Variants in NLGN1 observed in about 807,000 individuals in gnomAD.
NLGN1 encodes neuroligin-1.
In NLGN1, 12 loss-of-function variants were observed where a neutral mutation model predicts 65.5. That is an observed-to-expected ratio of 0.18 (90% CI 0.12 to 0.30). The LOEUF (loss-of-function observed/expected upper bound fraction) is 0.30, where lower values mean the gene tolerates loss of function less well. NLGN1 is among the 10% of genes least tolerant of loss of function. NLGN1 has a pLI of 1.00. For missense variants in NLGN1, 750 were observed against 1,007.1 expected, an observed-to-expected ratio of 0.74 and a Z score of 3.46; for synonymous variants, 350 against 359.5, an observed-to-expected ratio of 0.97 and a Z score of 0.30.
chr3:173,417,983 A>C (rs1714133397), intron 1 of NLGN1, among the ~76,000 whole-genome samples: 1 of 151,712 alleles, frequency 6.6e-6, no homozygotes, highest in Non-Finnish European at 1.5e-5. Flanking sequence ...AGGAAGAAAA[A>C]AACAGAATTC....
At chr3:174,118,660 A>C (rs1321189696) in intron 4 of NLGN1, among the ~76,000 whole-genome samples, 3 of 151,846 alleles carry the variant, frequency 2.0e-5, no homozygotes, top group African/African-American at 4.8e-5. Flanking sequence ...CAGCAAGTAC[A>C]TATGGGGTGA....
At chr3:173,952,767 T>TA (rs1255610443) in intron 4 of NLGN1, among the ~76,000 whole-genome samples, 1 of 151,860 alleles carries the variant, frequency 6.6e-6, no homozygotes, top group East Asian at 1.9e-4. Context: ...TTTAAGTGGT[T>TA]AAAATTTACC....
At chr3:173,730,304 A>C (rs571472719) in intron 3 of NLGN1, among the ~76,000 whole-genome samples, 98 of 126,882 alleles carry the variant, frequency 7.7e-4, no homozygotes, top group African/African-American at 2.7e-3. Flanking sequence ...GAGGTCTAAC[A>C]CACTACTGCC....
At chr3:173,626,746 T>G (rs6801163) in intron 3 of NLGN1, among the ~76,000 whole-genome samples, 40,439 of 151,892 alleles carry the variant, frequency 0.27, 5,985 homozygotes, top group African/African-American at 0.4. Flanking sequence ...TGGAAATATT[T>G]TATTAGTTGT....
chr3:173,815,078 T>C (rs953685758), intron 4 of NLGN1, among the ~76,000 whole-genome samples: 1 of 151,142 alleles, frequency 6.6e-6, no homozygotes, highest in Admixed American at 6.6e-5. Flanking sequence ...CTTTCCTTCG[T>C]TCCTTCTTTC....
intron 3 of NLGN1, among the ~76,000 whole-genome samples, chr3:173,769,485 T>C (rs1779268619): frequency 1.3e-5 from 2 of 152,342 alleles, no homozygotes; most frequent in South Asian, 4.1e-4. Flanking sequence ...CAGGAATCTT[T>C]CGAACTTTTC....
At chr3:173,437,209 C>T (rs1248371962) in intron 2 of NLGN1, among the ~76,000 whole-genome samples, 2 of 152,170 alleles carry the variant, frequency 1.3e-5, no homozygotes, top group Non-Finnish European at 2.9e-5. Flanking sequence ...CTGTTGCTTC[C>T]TCCTGCTCTT....
At chr3:173,483,821 C>T (rs1727701722) in intron 2 of NLGN1, among the ~76,000 whole-genome samples, 1 of 152,096 alleles carries the variant, frequency 6.6e-6, no homozygotes. Context: ...ACAAAAGCAT[C>T]ACATGTCACT....
intron 2 of NLGN1, among the ~76,000 whole-genome samples, chr3:173,451,077 C>T (rs1267664955): frequency 6.6e-6 from 1 of 152,314 alleles, no homozygotes; most frequent in Non-Finnish European, 1.5e-5. Flanking sequence ...AAGTCATTCT[C>T]CGTCTAGCTT....
intron 4 of NLGN1, among the ~76,000 whole-genome samples, chr3:174,026,933 TAATTC>T (rs201355987): frequency 0.031 from 4,724 of 152,236 alleles, 108 homozygotes; most frequent in Non-Finnish European, 0.048. Flanking sequence ...AAGGATATTG[TAATTC>T]AATTCAAATA....
At chr3:173,516,790 G>A (rs954661292) in intron 2 of NLGN1, among the ~76,000 whole-genome samples, 7 of 151,984 alleles carry the variant, frequency 4.6e-5, no homozygotes, top group African/African-American at 1.7e-4. Context: ...ATAGGGCTTA[G>A]GAAGTGAAAG....
intron 2 of NLGN1, among the ~76,000 whole-genome samples, chr3:173,491,173 A>C (rs1334761150): frequency 6.6e-6 from 1 of 151,832 alleles, no homozygotes. Flanking sequence ...GTCTTGTGCC[A>C]GTTTTCAAAG....
chr3:173,529,815 G>C (rs1323503199), intron 2 of NLGN1, among the ~76,000 whole-genome samples: 1 of 152,060 alleles, frequency 6.6e-6, no homozygotes, highest in Non-Finnish European at 1.5e-5. Context: ...TTCAGGATGT[G>C]CGTGAGGCTG....
intron 4 of NLGN1, among the ~76,000 whole-genome samples, chr3:173,892,308 C>G (rs992499566): frequency 4.0e-5 from 6 of 151,602 alleles, no homozygotes; most frequent in Non-Finnish European, 7.4e-5. Flanking sequence ...CCTGCCATCT[C>G]TGTTCTCTGT....
intron 3 of NLGN1, among the ~76,000 whole-genome samples, chr3:173,803,945 A>T (rs930430206): frequency 9.8e-5 from 15 of 152,348 alleles, no homozygotes; most frequent in African/African-American, 3.6e-4. Context: ...AGACAAAAAA[A>T]ATCAGTAAAC....
At chr3:174,053,112 G>A (rs554025548) in intron 4 of NLGN1, among the ~76,000 whole-genome samples, 6 of 152,080 alleles carry the variant, frequency 3.9e-5, no homozygotes, top group African/African-American at 1.4e-4. Context: ...TAGGGGGATA[G>A]TGTTGTGTTG....
At chr3:174,096,868 A>G (rs899559855) in intron 4 of NLGN1, among the ~76,000 whole-genome samples, 10 of 152,182 alleles carry the variant, frequency 6.6e-5, no homozygotes, top group African/African-American at 2.2e-4. Flanking sequence ...AAAAATTTTC[A>G]TAAGTGACCT....
chr3:174,136,276 G>T (rs1410680791), intron 4 of NLGN1, among the ~76,000 whole-genome samples: 1 of 152,074 alleles, frequency 6.6e-6, no homozygotes, highest in Admixed American at 6.6e-5. Flanking sequence ...ATACTATTGG[G>T]TGTTTGTTAC....
intron 2 of NLGN1, among the ~76,000 whole-genome samples, chr3:173,582,203 A>G (rs1437487734): frequency 1.3e-5 from 2 of 151,862 alleles, no homozygotes. Flanking sequence ...GGTAACATTC[A>G]TTTTTCTTGT....
Sources: gnomAD v4.1 joint callset for allele counts (sites outside exome capture counted in the v4.1 genomes callset) on GRCh38, gnomAD v4.1.1 for gene constraint, MANE v1.5 for transcripts, NCBI Gene and HGNC (gene_info 2026-07-23, HGNC 2026-07-21) for gene names.